PLPPR5: variants seen among roughly 807,000 people sequenced by gnomAD.
The protein encoded by PLPPR5 is phospholipid phosphatase-related protein type 5.
A neutral mutation model predicts 33.9 loss-of-function variants in PLPPR5; 16 were observed. The ratio of observed to expected loss-of-function variants is 0.47; its 90% confidence interval spans 0.32 to 0.72. The LOEUF is 0.72. Among genes scored for constraint, PLPPR5 ranks in the 30% least tolerant of loss-of-function variants. PLPPR5 has a pLI of 0.03. For missense variants in PLPPR5, 301 were observed against 406.7 expected (o/e 0.74, Z 2.23); for synonymous variants, 163 against 150.3 (o/e 1.08, Z -0.62).
At chr1:98,941,414 G>A (rs529239078) in intron 3 of PLPPR5, among the ~76,000 whole-genome samples, 5 of 151,872 alleles carry the variant, frequency 3.3e-5, no homozygotes, top group African/African-American at 4.8e-5. Flanking sequence ...GTGTGTTTGT[G>A]TGTGTGTTGT....
intron 1 of PLPPR5, among the ~76,000 whole-genome samples, chr1:98,978,730 A>C (rs373329169): frequency 6.6e-6 from 1 of 152,136 alleles, no homozygotes; most frequent in South Asian, 2.1e-4. Context: ...AGCTCCCCCC[A>C]CCAGAAAAAT....
chr1:98,901,080 C>T (rs1370627452), intron 5 of PLPPR5, among the ~76,000 whole-genome samples: 1 of 152,036 alleles, frequency 6.6e-6, no homozygotes, highest in African/African-American at 2.4e-5. Context: ...GGAAATAACC[C>T]AACCTTCAAT....
intron 1 of PLPPR5, among the ~76,000 whole-genome samples, chr1:98,971,239 A>T (rs1651647510): frequency 6.6e-6 from 1 of 152,116 alleles, no homozygotes; most frequent in Non-Finnish European, 1.5e-5. Flanking sequence ...AGATAATATT[A>T]ACAGGAAGTT....
intron 1 of PLPPR5, among the ~76,000 whole-genome samples, chr1:98,971,754 G>A (rs1182401692): frequency 6.6e-6 from 1 of 152,068 alleles, no homozygotes; most frequent in Non-Finnish European, 1.5e-5. Context: ...CTACAACTCT[G>A]AGCAGCAATG....
At position 98,891,803 on chromosome 1, in the gene PLPPR5, A is replaced by C. The variant is rs1648286486; in HGVS notation, c.*1269T>G. On this transcript the variant is annotated 3_prime_UTR_variant, in exon 6 of 6. Coordinates refer to ENST00000263177, the MANE Select transcript of PLPPR5 (RefSeq NM_001037317.2). ...GGCATTTCTTTATTTTTTGAACCAT[A>C]GGTAGTTGCCCAGGATTCTACTGAG... 6.6e-6 allele frequency: 1 copy of C among 152,088 alleles called. No individual in the cohort carries two copies. The highest frequency in any genetic ancestry group is 1.5e-5 in the Non-Finnish European group (1 of 67,996). 9.4% of individuals were successfully genotyped at this position (152,088 alleles called of 1,614,324 possible). A position where few individuals can be genotyped will look rare whatever the true frequency, so the allele number is the denominator to read the frequency against.
chr1:98,945,719 T>C (rs1196169187), intron 3 of PLPPR5, among the ~76,000 whole-genome samples: 1 of 152,250 alleles, frequency 6.6e-6, no homozygotes, highest in Non-Finnish European at 1.5e-5. Context: ...AGTACGATAG[T>C]AGGCCAATAG....
chr1:99,002,295 C>T (rs533482934), intron 1 of PLPPR5, among the ~76,000 whole-genome samples: 28 of 152,276 alleles, frequency 1.8e-4, no homozygotes, highest in African/African-American at 5.8e-4. Context: ...GCCAAAACAT[C>T]GAAATCAAGT....
chr1:98,930,583 T>C (rs1649927163), intron 3 of PLPPR5, among the ~76,000 whole-genome samples: 1 of 152,218 alleles, frequency 6.6e-6, no homozygotes, highest in Non-Finnish European at 1.5e-5. Flanking sequence ...CATTATAGGT[T>C]TGTGATCAGC....
chr1:98,951,806 C>T (rs1650794635), intron 3 of PLPPR5, among the ~76,000 whole-genome samples: 1 of 152,098 alleles, frequency 6.6e-6, no homozygotes, highest in African/African-American at 2.4e-5. Context: ...TCAAATAGCT[C>T]TCTGAGGGTA....
intron 1 of PLPPR5, among the ~76,000 whole-genome samples, chr1:98,977,111 G>T (rs970611032): frequency 6.6e-6 from 1 of 151,962 alleles, no homozygotes. Flanking sequence ...ATTTCATCTT[G>T]TTTCTTTATT....
chr1:98,994,679 C>G (rs757211133), intron 1 of PLPPR5, among the ~76,000 whole-genome samples: 14 of 152,072 alleles, frequency 9.2e-5, no homozygotes, highest in Admixed American at 1.3e-4. Context: ...AATGCCAAGT[C>G]CTACATAGTC....
upstream of PLPPR5, among the ~76,000 whole-genome samples, chr1:99,005,686 A>C (rs1324598224): frequency 6.6e-6 from 1 of 152,126 alleles, no homozygotes; most frequent in East Asian, 1.9e-4. Flanking sequence ...TATTTGCCTC[A>C]TCTCGTTCTT....
intron 1 of PLPPR5, among the ~76,000 whole-genome samples, chr1:98,976,599 A>C (rs1009562967): frequency 1.3e-5 from 2 of 152,184 alleles, no homozygotes; most frequent in Admixed American, 1.3e-4. Context: ...TGCCTTGAAC[A>C]CTTGGTGACT....
At position 98,891,069 on chromosome 1, in the gene PLPPR5, C is replaced by G. The variant is rs565031192; in HGVS notation, c.*2003G>C. 2.6e-4 allele frequency: 40 copies of G among 152,166 alleles called. No homozygotes were observed. Among genetic ancestry groups the G allele is most frequent in the African/African-American group, 9.4e-4 (39 of 41,542 alleles). The allele number at this position is 152,166 out of a possible 1,614,324, so 9.4% of individuals were successfully genotyped here. Reference sequence around the variant, plus strand: ...AGCTTTCTAAGACATTAGGATCATCCCCTTCACTTTCATTCTCAATAAGTG... The same window carrying G: ...AGCTTTCTAAGACATTAGGATCATCGCCTTCACTTTCATTCTCAATAAGTG... On this transcript the variant is annotated 3_prime_UTR_variant, in exon 6 of 6. Transcript: ENST00000263177.
chr1:98,924,698 C>A (rs1048424328), intron 3 of PLPPR5, among the ~76,000 whole-genome samples: 3 of 152,152 alleles, frequency 2.0e-5, no homozygotes, highest in African/African-American at 7.2e-5. Flanking sequence ...TGGGCTTGGG[C>A]TACATCCCTG....
chr1:99,004,021 C>CGCCG (rs991605704), intron 1 of PLPPR5, among the ~76,000 whole-genome samples: 3 of 152,196 alleles, frequency 2.0e-5, no homozygotes, highest in Non-Finnish European at 4.4e-5. Context: ...CCTCTCTCCT[C>CGCCG]GCCGGCCCGC....
chr1:98,925,696 TA>T, intron 3 of PLPPR5, among the ~76,000 whole-genome samples: 1 of 151,762 alleles, frequency 6.6e-6, no homozygotes, highest in African/African-American at 2.4e-5. Flanking sequence ...TAAATGGAAA[TA>T]AAAAAACACA....
At chr1:98,969,651 A>C (rs550321656) in intron 1 of PLPPR5, among the ~76,000 whole-genome samples, 37 of 152,126 alleles carry the variant, frequency 2.4e-4, no homozygotes, top group Non-Finnish European at 4.3e-4. Context: ...TCTGGGGAGA[A>C]TTATCAGGGA....
intron 3 of PLPPR5, among the ~76,000 whole-genome samples, chr1:98,947,513 C>T (rs1650601282): frequency 6.6e-6 from 1 of 152,132 alleles, no homozygotes; most frequent in South Asian, 2.1e-4. Flanking sequence ...TGCAAAACAG[C>T]ATTATTATAT....
Sources: gnomAD v4.1 joint callset for allele counts (sites outside exome capture counted in the v4.1 genomes callset) on GRCh38, gnomAD v4.1.1 for gene constraint, MANE v1.5 for transcripts, NCBI Gene and HGNC (gene_info 2026-07-23, HGNC 2026-07-21) for gene names.